The following EYS variants were observed in gnomAD, a reference collection of about 807,000 sequenced individuals.
EYS encodes the protein protein eyes shut homolog.
A neutral mutation model predicts 282.1 loss-of-function variants in EYS; 250 were observed. That is an observed-to-expected ratio of 0.89 (90% CI 0.80 to 0.98). The LOEUF is 0.98. Ranked by LOEUF, EYS falls within the 50% of genes least tolerant of loss-of-function variation. The pLI, the probability that EYS is intolerant of heterozygous loss-of-function variation, is 0.00. For missense variants in EYS, 4,016 were observed against 3,709.0 expected, an observed-to-expected ratio of 1.08 and a Z score of -2.15; for synonymous variants, 1,355 against 1,282.9, an observed-to-expected ratio of 1.06 and a Z score of -1.20.
At chr6:65,164,351 T>C (rs533801647) in intron 12 of EYS, among the ~76,000 whole-genome samples, 5 of 151,430 alleles carry the variant, frequency 3.3e-5, no homozygotes, top group African/African-American at 1.2e-4. Context: ...TTTTCAGGTC[T>C]ATTGATCTAT....
At chr6:64,902,628 T>C in intron 16 of EYS, 128 bp from the exon 17 acceptor site, 1 of 549,378 alleles carries the variant, frequency 1.8e-6, no homozygotes, top group Non-Finnish European at 3.1e-6. Context: ...ATAATTACTC[T>C]CAAGCTTCTC....
chr6:64,215,905 G>C (rs373981486), intron 31 of EYS, among the ~76,000 whole-genome samples: 1 of 152,238 alleles, frequency 6.6e-6, no homozygotes, highest in South Asian at 2.1e-4. Context: ...TAATTGATTT[G>C]AGCCTCTAAA....
intron 26 of EYS, among the ~76,000 whole-genome samples, chr6:64,484,430 T>C (rs114855222): frequency 0.016 from 2,469 of 151,454 alleles, 24 homozygotes; most frequent in South Asian, 0.036. Context: ...AGCACAATCA[T>C]GGGCTTGCAA....
At chr6:65,382,362 A>G (rs1049194658) in intron 8 of EYS, among the ~76,000 whole-genome samples, 1 of 150,690 alleles carries the variant, frequency 6.6e-6, no homozygotes, top group African/African-American at 2.4e-5. Flanking sequence ...GTGTGTTGTG[A>G]TAAGATGTTC....
At chr6:64,935,050 G>T (rs76897819) in intron 15 of EYS, among the ~76,000 whole-genome samples, 6,448 of 151,766 alleles carry the variant, frequency 0.042, 164 homozygotes, top group East Asian at 0.13. Flanking sequence ...TTTTTGCACA[G>T]TGTTAAAAAT....
chr6:65,358,932 T>C (rs774657028), intron 8 of EYS, among the ~76,000 whole-genome samples: 3 of 152,026 alleles, frequency 2.0e-5, no homozygotes, highest in Non-Finnish European at 4.4e-5. Context: ...AGGAATCAAT[T>C]CAGCATTTGA....
intron 22 of EYS, among the ~76,000 whole-genome samples, chr6:64,767,566 T>C (rs1773391965): frequency 6.6e-6 from 1 of 152,150 alleles, no homozygotes; most frequent in Admixed American, 6.6e-5. Context: ...TTATTACACT[T>C]AACATAATGT....
chr6:65,438,043 T>A (rs1334323645), intron 5 of EYS, among the ~76,000 whole-genome samples: 1 of 134,046 alleles, frequency 7.5e-6, no homozygotes, highest in East Asian at 2.4e-4. Context: ...TGTGTGATGT[T>A]CCCTGCCCTG....
chr6:63,922,682 T>C (rs771703125), intron 35 of EYS, among the ~76,000 whole-genome samples: 4 of 152,220 alleles, frequency 2.6e-5, no homozygotes, highest in South Asian at 2.1e-4. Flanking sequence ...CACTATTAAT[T>C]TTCCTTTCAT....
At chr6:64,731,022 C>A (rs1771944667) in intron 22 of EYS, 1 of 152,102 alleles carries the variant, frequency 6.6e-6, no homozygotes, top group Admixed American at 6.6e-5. Context: ...TAGATTTTAT[C>A]AAATAACCTC....
chr6:63,808,932 T>G (rs532454585), intron 36 of EYS, among the ~76,000 whole-genome samples: 4 of 152,354 alleles, frequency 2.6e-5, no homozygotes, highest in South Asian at 4.1e-4. Flanking sequence ...TTCTTTTAAC[T>G]TTGAAAAATG....
chr6:65,355,703 A>G (rs1764452542), intron 8 of EYS, among the ~76,000 whole-genome samples: 1 of 152,098 alleles, frequency 6.6e-6, no homozygotes, highest in South Asian at 2.1e-4. Flanking sequence ...AAAACATACA[A>G]ATAGCCAGCC....
At chr6:64,492,475 G>T (rs564833139) in intron 26 of EYS, among the ~76,000 whole-genome samples, 3,000 of 142,270 alleles carry the variant, frequency 0.021, 64 homozygotes, top group East Asian at 0.083. Flanking sequence ...TTTTTTTGTT[G>T]TTGTTGTTGT....
intron 33 of EYS, among the ~76,000 whole-genome samples, chr6:64,035,537 A>G (rs1770075677): frequency 6.6e-6 from 1 of 152,200 alleles, no homozygotes; most frequent in Admixed American, 6.5e-5. Flanking sequence ...AGCCTAGGTT[A>G]TGTTTAGTTT....
At chr6:64,837,302 A>G (rs1192522537) in intron 19 of EYS, among the ~76,000 whole-genome samples, 2 of 151,544 alleles carry the variant, frequency 1.3e-5, no homozygotes, top group Non-Finnish European at 3.0e-5. Flanking sequence ...AAAATCCTCA[A>G]TAAGCTAGGC....
At chr6:64,293,769 A>T (rs1453266866) in intron 30 of EYS, among the ~76,000 whole-genome samples, 1 of 151,974 alleles carries the variant, frequency 6.6e-6, no homozygotes, top group Non-Finnish European at 1.5e-5. Context: ...TATTTATTAC[A>T]TTTTTAAACG....
At chr6:64,909,540 A>G (rs1397061241) in intron 16 of EYS, among the ~76,000 whole-genome samples, 1 of 152,116 alleles carries the variant, frequency 6.6e-6, no homozygotes, top group Non-Finnish European at 1.5e-5. Context: ...AAATAACCAT[A>G]TTGAATTATT....
chr6:64,665,178 T>A (rs1484340522), intron 22 of EYS, among the ~76,000 whole-genome samples: 1 of 152,250 alleles, frequency 6.6e-6, no homozygotes, highest in Non-Finnish European at 1.5e-5. Flanking sequence ...CTGGCATTTA[T>A]AAAATACTGC....
At chr6:63,836,653 AAG>A (rs1434608412) in intron 36 of EYS, among the ~76,000 whole-genome samples, 1 of 152,072 alleles carries the variant, frequency 6.6e-6, no homozygotes, top group Non-Finnish European at 1.5e-5. Flanking sequence ...ACATTTATAA[AAG>A]AGTACAGATT....
Sources: gnomAD v4.1 joint callset for allele counts (sites outside exome capture counted in the v4.1 genomes callset) on GRCh38, gnomAD v4.1.1 for gene constraint, MANE v1.5 for transcripts, NCBI Gene and HGNC (gene_info 2026-07-23, HGNC 2026-07-21) for gene names.